Variants in PALB2 observed in about 807,000 individuals in gnomAD.
PALB2 encodes mutant partner and localizer of BRCA2.
A neutral mutation model predicts 107.4 loss-of-function variants in PALB2; 82 were observed. The observed-to-expected ratio is 0.76, with a 90% confidence interval of 0.64 to 0.92. PALB2 has a LOEUF of 0.92. Ranked by LOEUF, PALB2 falls within the 40% of genes least tolerant of loss-of-function variation. The pLI is 0.00. For synonymous variants in PALB2, 489 were observed against 496.8 expected (o/e 0.98, Z 0.21); for missense variants, 1,374 against 1,379.9 (o/e 1.00, Z 0.07).
chr16:23,611,571 G>A (rs922327213), intron 11 of PALB2, among the ~76,000 whole-genome samples: 5 of 151,590 alleles, frequency 3.3e-5, no homozygotes, highest in Admixed American at 2.6e-4. Context: ...CAATTCTCCT[G>A]CCTTAGCTTC....
intron 10 of PALB2, among the ~76,000 whole-genome samples, chr16:23,614,949 C>CTTT (rs1288431746): frequency 2.9e-5 from 3 of 104,756 alleles, no homozygotes; most frequent in Admixed American, 1.0e-4. Context: ...CGCGCCTGGC[C>CTTT]TTTTTTTTTT....
intron 4 of PALB2, among the ~76,000 whole-genome samples, chr16:23,633,068 G>A (rs948115310): frequency 2.6e-5 from 4 of 152,116 alleles, no homozygotes; most frequent in African/African-American, 4.8e-5. Context: ...CACCCTATCC[G>A]GGGCGACAAG....
intron 10 of PALB2, chr16:23,617,592 T>G (rs992578567): frequency 6.6e-6 from 1 of 151,322 alleles, no homozygotes; most frequent in African/African-American, 2.4e-5. Context: ...TTTTTTTTTT[T>G]TAATTAGTCA....
chr16:23,638,391 G>C (rs1234629232), intron 1 of PALB2: 1 of 537,044 alleles, frequency 1.9e-6, no homozygotes, highest in Admixed American at 3.0e-5. Flanking sequence ...TATTTCCCTG[G>C]GATAGACTTC....
chr16:23,609,974 G>T (rs1418091345), intron 11 of PALB2, among the ~76,000 whole-genome samples: 1 of 152,078 alleles, frequency 6.6e-6, no homozygotes, highest in Non-Finnish European at 1.5e-5. Context: ...CACCATGCCT[G>T]GCCCCAGTGC....
At chr16:23,609,229 G>A (rs887690979) in intron 11 of PALB2, among the ~76,000 whole-genome samples, 3 of 152,186 alleles carry the variant, frequency 2.0e-5, no homozygotes, top group African/African-American at 7.2e-5. Context: ...ACAAGCCTGG[G>A]AAACACAGCT....
intron 4 of PALB2, among the ~76,000 whole-genome samples, chr16:23,634,035 A>T (rs542382669): frequency 1.3e-5 from 2 of 152,194 alleles, no homozygotes; most frequent in East Asian, 3.9e-4. Flanking sequence ...TACACATTCC[A>T]TTTTACTTCA....
intron 11 of PALB2, among the ~76,000 whole-genome samples, chr16:23,609,051 C>T (rs1381358294): frequency 6.6e-6 from 1 of 152,156 alleles, no homozygotes; most frequent in East Asian, 1.9e-4. Flanking sequence ...TGGTCTCGAT[C>T]TCCTGACCTT....
At position 23,625,473 on chromosome 16, in the gene PALB2, C is replaced by T. The variant is rs990902906; in HGVS notation, c.2748+763G>A. ...TTAAGCCCAGGAGTTCAAGACCAGC[C>T]CAGGCGACATGGCAAAACCCTGTCT... On this transcript the variant is annotated intron_variant, in intron 7 of 12. Coordinates refer to ENST00000261584, the MANE Select transcript of PALB2 (RefSeq NM_024675.4). 3.9e-5 allele frequency among the ~76,000 whole-genome samples: 6 copies of T among 151,942 alleles called. No individual in the cohort carries two copies. In the South Asian group the frequency reaches 1.3e-3, roughly 32 times the overall value.
At chr16:23,611,746 C>G (rs898337078) in intron 11 of PALB2, among the ~76,000 whole-genome samples, 4 of 152,198 alleles carry the variant, frequency 2.6e-5, no homozygotes, top group African/African-American at 9.7e-5. Context: ...GCGTGAGCCA[C>G]TGCACCTGGA....
chr16:23,606,298 T>C (rs1432056023), intron 12 of PALB2, among the ~76,000 whole-genome samples: 1 of 151,276 alleles, frequency 6.6e-6, no homozygotes, highest in Non-Finnish European at 1.5e-5. Flanking sequence ...CCCAGCTACT[T>C]GGGAAGCTGA....
rs1398950443 is a variant in PALB2 at position 23,603,243 on chromosome 16, C to T, written c.*216G>A. 3.8e-6 allele frequency: 2 copies of T among 524,534 alleles called. No individual in the cohort carries two copies. The highest frequency in any genetic ancestry group is 2.2e-5 in the South Asian group (1 of 45,352). 32.5% of individuals were successfully genotyped at this position (524,534 alleles called of 1,614,324 possible). On this transcript the variant is annotated 3_prime_UTR_variant, in exon 13 of 13. Transcript: ENST00000261584. ...GCACATGTACAAATGTGGGAAATTA[C>T]AAAAATCAACCTAAAACCCTTTTTC...
At chr16:23,623,248 G>C in intron 8 of PALB2, 118 bp from the exon 9 acceptor site, 1 of 943,768 alleles carries the variant, frequency 1.1e-6, no homozygotes, top group Admixed American at 2.5e-5. Context: ...CTGTCGCCTA[G>C]GCTGGAGTGC....
rs2142457890 is a variant in PALB2 at position 23,637,949 on chromosome 16, C to G, written c.112G>C (p.Ala38Pro). The G allele has an allele frequency of 6.2e-7, 1 of 1,613,384 alleles. No homozygotes were observed. Among genetic ancestry groups the G allele is most frequent in the Non-Finnish European group, 8.5e-7 (1 of 1,179,370 alleles). Residue 38 changes from alanine (A) to proline (P), a missense_variant, in exon 3 of 13, where the codon GCC becomes CCC. Coordinates refer to ENST00000261584, the MANE Select transcript of PALB2 (RefSeq NM_024675.4). ...TGCTTAATCTTTTCAGCTCTTTGGG[C>G]ACGCTAGAGGAGACAAAAACAGCCC... ...YSKTLARLQR[A>P]QRAEKIKHSI...
rs2142335218 is a variant in PALB2, at chr16:23,623,008, T to A, written c.2957A>T (p.Asp986Val). Reference sequence around the variant, plus strand: ...AAACGTCATGACTTCTACTTGTTGATCAGAAAGGGTCCCACTGCTACTAAC... The same window carrying A: ...AAACGTCATGACTTCTACTTGTTGAACAGAAAGGGTCCCACTGCTACTAAC... ...RLVSSSGTLS[D>V]QQVEVMTFAE... The change falls in exon 9 of 13, where the codon GAT becomes GTT. Residue 986 changes from aspartate to valine, a missense_variant. Coordinates refer to ENST00000261584, the MANE Select transcript of PALB2 (RefSeq NM_024675.4). The A allele has an allele frequency of 6.2e-7, 1 of 1,614,170 alleles. No individual in the cohort carries two copies. The highest frequency in any genetic ancestry group is 8.5e-7 in the Non-Finnish European group (1 of 1,180,046).
chr16:23,639,956 C>G (rs1281859734), intron 1 of PALB2, among the ~76,000 whole-genome samples: 1 of 152,224 alleles, frequency 6.6e-6, no homozygotes, highest in East Asian at 1.9e-4. Context: ...ATCTCGGCAG[C>G]TCCCTGCAAC....
intron 12 of PALB2, among the ~76,000 whole-genome samples, chr16:23,605,522 T>C (rs1415532988): frequency 1.3e-5 from 2 of 152,156 alleles, no homozygotes; most frequent in Non-Finnish European, 2.9e-5. Flanking sequence ...GACTCTCCTG[T>C]CTCAGCCTCC....
chr16:23,638,176 A>G lies in PALB2; in HGVS notation c.49-47T>C, dbSNP rs767374972. 4.0e-6 allele frequency: 6 copies of G among 1,514,896 alleles called. No individual in the cohort carries two copies. In the East Asian group the frequency reaches 1.4e-4, roughly 34 times the overall value. 93.8% of individuals were successfully genotyped at this position (1,514,896 alleles called of 1,614,324 possible). A position where few individuals can be genotyped will look rare whatever the true frequency, so the allele number is the denominator to read the frequency against. Reference sequence around the variant, plus strand: ...CAATACTGGGCAAGTGGAAAGGTGGAGTCAGAGGGAAGGGATGCAGTGCTT... The same window carrying G: ...CAATACTGGGCAAGTGGAAAGGTGGGGTCAGAGGGAAGGGATGCAGTGCTT... On this transcript the variant is annotated intron_variant, in intron 1 of 12. Transcript: ENST00000261584.
intron 10 of PALB2, among the ~76,000 whole-genome samples, chr16:23,621,103 G>T (rs1344345508): frequency 6.6e-6 from 1 of 152,112 alleles, no homozygotes; most frequent in East Asian, 1.9e-4. Context: ...CCAGCTACTC[G>T]GGAGGCTGAG....
Sources: gnomAD v4.1 joint callset for allele counts (sites outside exome capture counted in the v4.1 genomes callset) on GRCh38, gnomAD v4.1.1 for gene constraint, MANE v1.5 for transcripts, NCBI Gene and HGNC (gene_info 2026-07-23, HGNC 2026-07-21) for gene names.